Variants in GLIS3 observed in about 807,000 individuals in gnomAD.
GLIS3 encodes GLIS family zinc finger 3.
Under a neutral mutation model 78.6 loss-of-function variants are expected in GLIS3, and 53 were observed. That is an observed-to-expected ratio of 0.67 (90% CI 0.54 to 0.85). The LOEUF is 0.85. Ranked by LOEUF, GLIS3 falls within the 40% of genes least tolerant of loss-of-function variation. The pLI is 0.00. For synonymous variants in GLIS3, 684 were observed against 509.9 expected, an observed-to-expected ratio of 1.34 and a Z score of -4.60; for missense variants, 1,703 against 1,231.1, an observed-to-expected ratio of 1.38 and a Z score of -5.74.
intron 7 of GLIS3, among the ~76,000 whole-genome samples, chr9:3,897,012 TA>T (rs1283794796): frequency 6.6e-6 from 1 of 152,164 alleles, no homozygotes; most frequent in Non-Finnish European, 1.5e-5. Context: ...TTTAAAACTC[TA>T]AAGCTTTAAA....
chr9:4,473,140 C>G, the GLIS3 span, among the ~76,000 whole-genome samples: 2 of 152,084 alleles, frequency 1.3e-5, no homozygotes, highest in Admixed American at 1.3e-4. Flanking sequence ...TCACAATAGC[C>G]AAGACATGGA....
intron 2 of GLIS3, among the ~76,000 whole-genome samples, chr9:4,181,783 G>C (rs997929778): frequency 1.3e-5 from 2 of 152,174 alleles, no homozygotes; most frequent in African/African-American, 2.4e-5. Flanking sequence ...GTGATCACTA[G>C]GCAAAGAAGT....
intron 4 of GLIS3, among the ~76,000 whole-genome samples, chr9:3,969,022 A>G (rs1235053445): frequency 6.6e-6 from 1 of 152,186 alleles, no homozygotes. Flanking sequence ...ATTGTGTCAC[A>G]GAAGCAATTG....
intron 4 of GLIS3, among the ~76,000 whole-genome samples, chr9:4,058,777 G>A (rs533437867): frequency 1.4e-3 from 214 of 152,134 alleles, no homozygotes; most frequent in Non-Finnish European, 2.4e-3. Flanking sequence ...TCAGGAGATC[G>A]AGACCATCCT....
At chr9:3,983,677 G>C (rs1163564155) in intron 4 of GLIS3, among the ~76,000 whole-genome samples, 1 of 152,184 alleles carries the variant, frequency 6.6e-6, no homozygotes, top group Non-Finnish European at 1.5e-5. Flanking sequence ...TTAGCAAAGA[G>C]AGTAGTGGCA....
chr9:4,475,074 A>G, the GLIS3 span, among the ~76,000 whole-genome samples: 1 of 145,868 alleles, frequency 6.9e-6, no homozygotes, highest in Non-Finnish European at 1.5e-5. Context: ...GCTCACTGCA[A>G]ACTCTGCCTC....
chr9:4,408,370 G>C, the GLIS3 span, among the ~76,000 whole-genome samples: 3 of 151,010 alleles, frequency 2.0e-5, no homozygotes, highest in Non-Finnish European at 4.4e-5. Flanking sequence ...TCTCTATAGA[G>C]AATAGAACGA....
At chr9:4,292,672 A>G (rs1023919184) in intron 1 of GLIS3, among the ~76,000 whole-genome samples, 1 of 152,222 alleles carries the variant, frequency 6.6e-6, no homozygotes, top group Admixed American at 6.5e-5. Context: ...ATTGTGCTCA[A>G]TAAGTAATAA....
chr9:3,948,672 C>G (rs1290561716), intron 4 of GLIS3, among the ~76,000 whole-genome samples: 1 of 152,148 alleles, frequency 6.6e-6, no homozygotes, highest in Non-Finnish European at 1.5e-5. Context: ...ATTTCATCAT[C>G]TTAGTTTAAA....
intron 2 of GLIS3, among the ~76,000 whole-genome samples, chr9:4,247,292 G>C (rs563741248): frequency 3.3e-5 from 5 of 152,224 alleles, no homozygotes; most frequent in African/African-American, 1.2e-4. Context: ...AAGTACGGTT[G>C]TTTTAAAACA....
intron 9 of GLIS3, among the ~76,000 whole-genome samples, chr9:3,845,069 A>G (rs955621239): frequency 8.3e-6 from 1 of 120,428 alleles, no homozygotes; most frequent in African/African-American, 2.8e-5. Context: ...AGATATATAT[A>G]TATGTGTGTG....
chr9:4,444,759 C>A, the GLIS3 span, among the ~76,000 whole-genome samples: 1 of 152,208 alleles, frequency 6.6e-6, no homozygotes, highest in Non-Finnish European at 1.5e-5. Flanking sequence ...CTCTCTCTAA[C>A]TACCACAGGC....
rs754007088 is a variant in GLIS3 at position 3,918,260 on chromosome 9, T to C, written c.1983+14100A>G. Among the ~76,000 whole-genome samples the C allele has an allele frequency of 2.6e-5, 4 of 152,200 alleles. 1 individual carries two copies. Among genetic ancestry groups the C allele is most frequent in the African/African-American group, 9.7e-5 (4 of 41,448 alleles). ...TTAGTGTTTGGCTGTCCTTGCACATTTGCAATTAAGAAGGACCAACAAGAA... is the reference window on the plus strand; with the variant it reads ...TTAGTGTTTGGCTGTCCTTGCACATCTGCAATTAAGAAGGACCAACAAGAA... On this transcript the variant is annotated intron_variant, in intron 6 of 10. Coordinates refer to ENST00000381971, the MANE Select transcript of GLIS3 (RefSeq NM_001042413.2).
chr9:4,487,156 C>A, the GLIS3 span, among the ~76,000 whole-genome samples: 3 of 152,056 alleles, frequency 2.0e-5, no homozygotes, highest in East Asian at 1.9e-4. Context: ...CCCGCCACCA[C>A]GCCTGGCTAA....
intron 4 of GLIS3, among the ~76,000 whole-genome samples, chr9:4,028,495 G>A (rs1195492454): frequency 6.6e-6 from 1 of 152,036 alleles, no homozygotes; most frequent in Non-Finnish European, 1.5e-5. Flanking sequence ...TCAGTAAAAT[G>A]GTTATTGAGG....
chr9:4,087,547 A>C (rs1829137717), intron 4 of GLIS3, among the ~76,000 whole-genome samples: 1 of 152,186 alleles, frequency 6.6e-6, no homozygotes, highest in Non-Finnish European at 1.5e-5. Flanking sequence ...ACAGTTTGAA[A>C]ACCCCATGAT....
intron 2 of GLIS3, among the ~76,000 whole-genome samples, chr9:4,202,289 T>C (rs945898496): frequency 2.6e-5 from 4 of 151,124 alleles, no homozygotes; most frequent in African/African-American, 4.9e-5. Context: ...TAGCTGGGAC[T>C]ACAGGCGCCC....
chr9:4,193,574 C>A (rs1032560089), intron 2 of GLIS3, among the ~76,000 whole-genome samples: 9 of 152,284 alleles, frequency 5.9e-5, no homozygotes, highest in African/African-American at 2.2e-4. Flanking sequence ...AACAGGAATG[C>A]AAAGGGCAGG....
At chr9:3,989,968 A>C (rs1415467967) in intron 4 of GLIS3, among the ~76,000 whole-genome samples, 1 of 152,220 alleles carries the variant, frequency 6.6e-6, no homozygotes, top group Non-Finnish European at 1.5e-5. Context: ...GAGTTTTGCA[A>C]AATACTAACA....
Sources: allele counts gnomAD v4.1 joint callset (sites outside exome capture counted in the v4.1 genomes callset), GRCh38; gene constraint gnomAD v4.1.1; transcripts MANE v1.5; gene names NCBI Gene and HGNC (gene_info 2026-07-23, HGNC 2026-07-21).